PHACTR2: variants seen among roughly 807,000 people sequenced by gnomAD.
PHACTR2 encodes the protein chromosome 6 open reading frame 56.
PHACTR2 carries 30 observed loss-of-function variants against 76.0 expected under a neutral mutation model. The observed-to-expected ratio is 0.39, with a 90% CI of 0.30 to 0.54. The LOEUF is 0.54. Among genes scored for constraint, PHACTR2 ranks in the 20% least tolerant of loss-of-function variants. The pLI is 0.61. For synonymous variants in PHACTR2, 292 were observed against 292.5 expected (o/e 1.00, Z 0.02); for missense variants, 696 against 781.1 (o/e 0.89, Z 1.30).
intron 2 of PHACTR2, among the ~76,000 whole-genome samples, chr6:143,736,069 C>T (rs919130095): frequency 6.6e-6 from 1 of 152,162 alleles, no homozygotes; most frequent in African/African-American, 2.4e-5. Flanking sequence ...CTCTCTGTCA[C>T]CCAGGTGGGA....
intron 1 of PHACTR2, among the ~76,000 whole-genome samples, chr6:143,544,501 T>C (rs1781204971): frequency 6.6e-6 from 1 of 152,174 alleles, no homozygotes; most frequent in Non-Finnish European, 1.5e-5. Context: ...ATGCTAGGTT[T>C]CCTTATATCT....
chr6:143,586,472 C>T (rs1457733573), intron 1 of PHACTR2, among the ~76,000 whole-genome samples: 5 of 152,118 alleles, frequency 3.3e-5, no homozygotes, highest in Non-Finnish European at 7.3e-5. Context: ...GCTTAGCCCA[C>T]AAGGGTTCTT....
rs143549446 is a variant in PHACTR2, at chr6:143,557,623, T to G, written c.217+20416T>G. On this transcript the variant is annotated intron_variant, in intron 1 of 11. Coordinates refer to the PHACTR2 transcript ENST00000367584. The surrounding 1 kb of genome is among the most constrained non-coding windows in gnomAD (Gnocchi z 5.5). ...TGGACCTGGTCCAGCTCTTCCAGAC[T>G]CTTCCACACTCCAGTCGTTTTTCCT... 199 of 152,406 alleles carry G rather than the reference T, an allele frequency of 1.3e-3. No individual in the cohort carries two copies. Among genetic ancestry groups the G allele is most frequent in the African/African-American group, 4.6e-3 (191 of 41,566 alleles). 9.4% of individuals were successfully genotyped at this position (152,406 alleles called of 1,614,324 possible). A position where few individuals can be genotyped will look rare whatever the true frequency, so the allele number is the denominator to read the frequency against.
chr6:143,779,896 GTATTTATATTATA>G (rs1775378647), intron 9 of PHACTR2, among the ~76,000 whole-genome samples: 1 of 111,954 alleles, frequency 8.9e-6, no homozygotes, highest in Non-Finnish European at 1.8e-5. Context: ...TTACATATAC[GTATTTATATTATA>G]TTATATTATA....
chr6:143,823,530 A>G lies in PHACTR2; in HGVS notation c.1923-144A>G, dbSNP rs1582916813. On this transcript the variant is annotated intron_variant, in intron 12 of 12. Transcript: ENST00000440869. This position sits in a 1 kb window ranked among gnomAD's most constrained non-coding sequence, Gnocchi z 5.7. ...ATAATATTTGTAACAGTATTTTGTT[A>G]TGACAGAAATTTGTAAACAGTAATT... The G allele has an allele frequency of 1.7e-6, 1 of 588,020 alleles. No homozygotes were observed. Among genetic ancestry groups the G allele is most frequent in the African/African-American group, 1.8e-5 (1 of 54,834 alleles). The allele number at this position is 588,020 out of a possible 1,614,324, so 36.4% of individuals were successfully genotyped here.
rs142071581 is a variant in PHACTR2 at position 143,647,245 on chromosome 6, A to G, written c.13+38923A>G. Among the ~76,000 whole-genome samples, 4 of 152,332 alleles carry G rather than the reference A, an allele frequency of 2.6e-5. No homozygotes were observed. The East Asian group carries it at 7.7e-4, about 29-fold the overall frequency. ...CTGTGATGTAGATAATATTAGTCCTATTTTGCAGATGAGGAAACCAAGACT... is the reference window on the plus strand; with the variant it reads ...CTGTGATGTAGATAATATTAGTCCTGTTTTGCAGATGAGGAAACCAAGACT... On this transcript the variant is annotated intron_variant, in intron 1 of 11. Transcript: ENST00000305766. This position sits in a 1 kb window ranked among gnomAD's most constrained non-coding sequence, Gnocchi z 4.2.
rs1223868148 is a variant in PHACTR2 at position 143,739,296 on chromosome 6, C to T, written c.215-9689C>T. 6.6e-6 allele frequency among the ~76,000 whole-genome samples: 1 copy of T among 152,142 alleles called. No individual in the cohort carries two copies. Among genetic ancestry groups the T allele is most frequent in the Non-Finnish European group, 1.5e-5 (1 of 68,034 alleles). On this transcript the variant is annotated intron_variant, in intron 2 of 12. Coordinates refer to ENST00000440869, the MANE Select transcript of PHACTR2 (RefSeq NM_001100164.2). The surrounding 1 kb of genome is among the most constrained non-coding windows in gnomAD (Gnocchi z 4.3). Reference sequence around the variant, plus strand: ...GCCAGGATGGTCTCGATCTGCTGACCTCATGATCCACCAGCCTCGGCATCC... The same window carrying T: ...GCCAGGATGGTCTCGATCTGCTGACTTCATGATCCACCAGCCTCGGCATCC...
chr6:143,623,590 GTAA>G lies in PHACTR2; in HGVS notation c.13+15283_13+15285del, dbSNP rs922743481. Among the ~76,000 whole-genome samples the G allele has an allele frequency of 6.6e-6, 1 of 151,552 alleles. No homozygotes were observed. Among genetic ancestry groups the G allele is most frequent in the African/African-American group, 2.4e-5 (1 of 41,286 alleles). On this transcript the variant is annotated intron_variant, in intron 1 of 11. Coordinates refer to the PHACTR2 transcript ENST00000305766. This position sits in a 1 kb window ranked among gnomAD's most constrained non-coding sequence, Gnocchi z 5.9. ...ACTCTGACTCGAAATAATAATAATA[GTAA>G]TAATAATAATAATACCAAATGAGAG...
At chr6:143,729,886 A>G (rs1041340450) in intron 2 of PHACTR2, among the ~76,000 whole-genome samples, 10 of 152,158 alleles carry the variant, frequency 6.6e-5, no homozygotes, top group East Asian at 1.9e-4. Flanking sequence ...CTCTTTTCAG[A>G]TCATGCTTTT....
intron 2 of PHACTR2, among the ~76,000 whole-genome samples, chr6:143,727,500 T>C (rs1778599958): frequency 1.3e-5 from 2 of 152,326 alleles, no homozygotes; most frequent in South Asian, 2.1e-4. Context: ...CTGGATCATA[T>C]GGTGGCTCTA....
intron 1 of PHACTR2, among the ~76,000 whole-genome samples, chr6:143,563,822 C>T (rs1338236376): frequency 7.7e-6 from 1 of 129,440 alleles, no homozygotes; most frequent in Non-Finnish European, 1.7e-5. Flanking sequence ...ATGGTGAAAC[C>T]CTGTCTCTAC....
intron 2 of PHACTR2, among the ~76,000 whole-genome samples, chr6:143,727,569 ATTCTTACCAACAC>A (rs1254820657): frequency 2.6e-5 from 4 of 152,226 alleles, no homozygotes; most frequent in African/African-American, 7.2e-5. Flanking sequence ...ACTAATGTAC[ATTCTTACCAACAC>A]CGTGTAAGAG....
chr6:143,678,288 A>G lies in PHACTR2; in HGVS notation c.46+79A>G, dbSNP rs1777298859. On this transcript the variant is annotated intron_variant, in intron 1 of 12. Coordinates refer to ENST00000440869, the MANE Select transcript of PHACTR2 (RefSeq NM_001100164.2). This position sits in a 1 kb window ranked among gnomAD's most constrained non-coding sequence, Gnocchi z 6.2. ...GCGGGGCCCCGGGGCAGGCAGGGTT[A>G]GTCGTCTGGTCGGGTTCCGCTCGGA... The G allele has an allele frequency of 1.5e-6, 2 of 1,321,474 alleles. No homozygotes were observed. Among genetic ancestry groups the G allele is most frequent in the Non-Finnish European group, 2.0e-6 (2 of 1,015,172 alleles). 81.9% of individuals were successfully genotyped at this position (1,321,474 alleles called of 1,614,324 possible).
At position 143,696,466 on chromosome 6, in the gene PHACTR2, A is replaced by G. The variant is rs774739285; in HGVS notation, c.47-15550A>G. Among the ~76,000 whole-genome samples, 1 of 152,110 alleles carries G rather than the reference A, an allele frequency of 6.6e-6. No individual in the cohort carries two copies. The highest frequency in any genetic ancestry group is 1.5e-5 in the Non-Finnish European group (1 of 68,010). On this transcript the variant is annotated intron_variant, in intron 1 of 12. Coordinates refer to ENST00000440869, the MANE Select transcript of PHACTR2 (RefSeq NM_001100164.2). This position sits in a 1 kb window ranked among gnomAD's most constrained non-coding sequence, Gnocchi z 4.1. ...CAAAACCTCTTATCAGCCTTTTTCC[A>G]CTTGCTTACATGTATTATCTCTATT...
chr6:143,719,010 G>A (rs1437429528), intron 2 of PHACTR2, among the ~76,000 whole-genome samples: 5 of 151,540 alleles, frequency 3.3e-5, no homozygotes, highest in Non-Finnish European at 7.4e-5. Context: ...AGCCTCCTGA[G>A]TAGCAGGGAC....
At chr6:143,668,716 G>T (rs1377859093) in intron 1 of PHACTR2, among the ~76,000 whole-genome samples, 1 of 152,072 alleles carries the variant, frequency 6.6e-6, no homozygotes, top group African/African-American at 2.4e-5. Context: ...AGGATCAGTG[G>T]TAATATCCCC....
At position 143,580,165 on chromosome 6, in the gene PHACTR2, A is replaced by G. The variant is rs1288477680; in HGVS notation, c.217+42958A>G. 6.6e-6 allele frequency among the ~76,000 whole-genome samples: 1 copy of G among 152,174 alleles called. No individual in the cohort carries two copies. Among genetic ancestry groups the G allele is most frequent in the South Asian group, 2.1e-4 (1 of 4,826 alleles). The stretch of plus-strand genomic sequence containing the variant: ...ATGATCTTTCTATAGCTTCGTCTCA[A>G]AAGTGATATCCCATCCCTTTAGAAG... On this transcript the variant is annotated intron_variant, in intron 1 of 11. Coordinates refer to the PHACTR2 transcript ENST00000367584. The surrounding 1 kb of genome is among the most constrained non-coding windows in gnomAD (Gnocchi z 4.2).
rs1393817167 is a variant in PHACTR2, at chr6:143,793,045, G to A, written c.1845+4135G>A. Among the ~76,000 whole-genome samples the A allele has an allele frequency of 6.6e-6, 1 of 152,166 alleles. No individual in the cohort carries two copies. Among genetic ancestry groups the A allele is most frequent in the Non-Finnish European group, 1.5e-5 (1 of 68,026 alleles). On this transcript the variant is annotated intron_variant, in intron 11 of 12. Coordinates refer to ENST00000440869, the MANE Select transcript of PHACTR2 (RefSeq NM_001100164.2). This position sits in a 1 kb window ranked among gnomAD's most constrained non-coding sequence, Gnocchi z 4.4. ...CAATTTTCCACACCCACCATTCCCAGCTATCTTATTATTCAAATGCAAAAC... is the reference window on the plus strand; with the variant it reads ...CAATTTTCCACACCCACCATTCCCAACTATCTTATTATTCAAATGCAAAAC...
intron 1 of PHACTR2, among the ~76,000 whole-genome samples, chr6:143,704,704 C>T (rs1428450840): frequency 2.0e-5 from 3 of 152,152 alleles, no homozygotes; most frequent in South Asian, 4.1e-4. Context: ...TCCCTAATGT[C>T]GTCTTTTTTT....
Sources: allele counts gnomAD v4.1 joint callset (sites outside exome capture counted in the v4.1 genomes callset), GRCh38; gene constraint gnomAD v4.1.1; non-coding constraint Gnocchi (gnomAD v3.1); transcripts MANE v1.5; gene names NCBI Gene and HGNC (gene_info 2026-07-23, HGNC 2026-07-21).